Variants in STX8 observed in about 807,000 individuals in gnomAD.
STX8 encodes syntaxin 8, also known as syntaxin-8.
STX8 carries 23 observed loss-of-function variants against 37.5 expected under a neutral mutation model. The ratio of observed to expected loss-of-function variants is 0.61; its 90% CI spans 0.44 to 0.87. The LOEUF is 0.87. STX8 is among the 40% of genes least tolerant of loss of function. The pLI is 0.00. For synonymous variants in STX8, 115 were observed against 99.1 expected, an observed-to-expected ratio of 1.16 and a Z score of -0.95; for missense variants, 313 against 284.7, an observed-to-expected ratio of 1.10 and a Z score of -0.71.
intron 6 of STX8, among the ~76,000 whole-genome samples, chr17:9,392,327 T>A (rs993249258): frequency 1.3e-5 from 2 of 152,134 alleles, no homozygotes; most frequent in Non-Finnish European, 2.9e-5. Context: ...GACAAAGACT[T>A]TAAAGCAGCT....
chr17:9,505,017 A>G (rs1343103703), intron 5 of STX8, 21 bp downstream of exon 5: 2 of 1,490,050 alleles, frequency 1.3e-6, no homozygotes. Context: ...CTGAGCCCAC[A>G]CTCCTCAGGA....
chr17:9,369,002 C>A (rs893598834), intron 7 of STX8, among the ~76,000 whole-genome samples: 1 of 151,690 alleles, frequency 6.6e-6, no homozygotes, highest in Admixed American at 6.6e-5. Context: ...CTCACCGCAA[C>A]GTTGAACTCC....
chr17:9,526,950 C>T (rs1597724944), intron 4 of STX8, among the ~76,000 whole-genome samples: 1 of 151,228 alleles, frequency 6.6e-6, no homozygotes, highest in East Asian at 2.0e-4. Flanking sequence ...GAGGCCGAGG[C>T]GGGTGGATCA....
chr17:9,458,319 T>C (rs899296278), intron 6 of STX8, among the ~76,000 whole-genome samples: 3 of 152,110 alleles, frequency 2.0e-5, no homozygotes, highest in African/African-American at 7.2e-5. Context: ...CTGGCTAATT[T>C]TTTGTATTTT....
chr17:9,419,849 T>C (rs551018213), intron 6 of STX8, among the ~76,000 whole-genome samples: 1 of 152,320 alleles, frequency 6.6e-6, no homozygotes, highest in East Asian at 1.9e-4. Flanking sequence ...TCCCATAAGA[T>C]TCACGGAAAC....
chr17:9,326,592 AC>A (rs1431343923), intron 7 of STX8, among the ~76,000 whole-genome samples: 4 of 152,068 alleles, frequency 2.6e-5, no homozygotes, highest in African/African-American at 9.7e-5. Flanking sequence ...TGGAGTTACG[AC>A]CCTGATCATC....
rs189000654 is a variant in STX8, at chr17:9,504,893, G to A, written c.448+145C>T. The A allele has an allele frequency of 2.3e-3, 1,752 of 778,476 alleles. 6 individuals are homozygous for A. The highest frequency in any genetic ancestry group is 3.1e-3 in the Non-Finnish European group (1,628 of 524,344). 48.2% of individuals were successfully genotyped at this position (778,476 alleles called of 1,614,324 possible). On this transcript the variant is annotated intron_variant, in intron 5 of 7. Coordinates refer to ENST00000306357, the MANE Select transcript of STX8 (RefSeq NM_004853.3). ...GGAGGCTGAGGCAGGAGAATCGTTT[G>A]AACCCGGGAGGTGGAGGTTGCAGTG...
chr17:9,369,262 A>C (rs1911328454), intron 7 of STX8, among the ~76,000 whole-genome samples: 1 of 152,210 alleles, frequency 6.6e-6, no homozygotes, highest in Non-Finnish European at 1.5e-5. Context: ...TTGATACTGA[A>C]TTAAGGATGA....
chr17:9,443,324 G>C (rs2093442949), intron 6 of STX8, among the ~76,000 whole-genome samples: 1 of 152,160 alleles, frequency 6.6e-6, no homozygotes, highest in African/African-American at 2.4e-5. Flanking sequence ...AACAGAACTA[G>C]AGTCACTCAT....
At chr17:9,340,649 ATTTTTTT>A (rs66679333) in intron 7 of STX8, among the ~76,000 whole-genome samples, 14 of 62,112 alleles carry the variant, frequency 2.3e-4, no homozygotes, top group African/African-American at 6.9e-4. Context: ...GTTGCACTTG[ATTTTTTT>A]TTTTTTTTTT....
chr17:9,383,935 T>C (rs1317821377), intron 6 of STX8, among the ~76,000 whole-genome samples: 1 of 152,044 alleles, frequency 6.6e-6, no homozygotes, highest in Non-Finnish European at 1.5e-5. Context: ...ATAAAAACTA[T>C]AAAACATTGC....
intron 7 of STX8, among the ~76,000 whole-genome samples, chr17:9,342,336 G>C (rs1319530847): frequency 6.6e-6 from 1 of 152,156 alleles, no homozygotes; most frequent in Non-Finnish European, 1.5e-5. Context: ...CCAGAGCCAG[G>C]TTGGAGCTCT....
intron 6 of STX8, among the ~76,000 whole-genome samples, chr17:9,465,814 C>T (rs777957414): frequency 1.3e-5 from 2 of 152,146 alleles, no homozygotes; most frequent in Non-Finnish European, 1.5e-5. Flanking sequence ...GTTTAATCCT[C>T]ACAAACTGTA....
At chr17:9,452,465 A>T (rs751137323) in intron 6 of STX8, 17 of 152,188 alleles carry the variant, frequency 1.1e-4, no homozygotes, top group Non-Finnish European at 2.2e-4. Flanking sequence ...TGTGAGAAGG[A>T]ATTAGTCCTC....
intron 7 of STX8, among the ~76,000 whole-genome samples, chr17:9,271,089 T>G (rs1255380427): frequency 6.6e-6 from 1 of 152,206 alleles, no homozygotes; most frequent in African/African-American, 2.4e-5. Context: ...CAGAAATGTT[T>G]GTGTTTACAG....
intron 7 of STX8, among the ~76,000 whole-genome samples, chr17:9,256,053 G>A (rs986267215): frequency 6.6e-6 from 1 of 152,254 alleles, no homozygotes; most frequent in Non-Finnish European, 1.5e-5. Context: ...ACAGTCATGC[G>A]TGCCAGGTTT....
chr17:9,457,641 T>C (rs1410624301), intron 6 of STX8, among the ~76,000 whole-genome samples: 1 of 152,278 alleles, frequency 6.6e-6, no homozygotes, highest in Non-Finnish European at 1.5e-5. Context: ...CCATAATCTC[T>C]GTGCTCTTCC....
chr17:9,277,383 A>G (rs773786248), intron 7 of STX8, among the ~76,000 whole-genome samples: 1 of 150,286 alleles, frequency 6.7e-6, no homozygotes, highest in Non-Finnish European at 1.5e-5. Flanking sequence ...CAGGGTCTCA[A>G]TGAGTGAGGG....
intron 6 of STX8, among the ~76,000 whole-genome samples, chr17:9,451,227 G>A (rs1416865700): frequency 2.0e-5 from 3 of 152,064 alleles, no homozygotes; most frequent in African/African-American, 7.2e-5. Flanking sequence ...ACTTGGAGTG[G>A]TCAGAACTTG....
Sources: gnomAD v4.1 joint callset for allele counts (sites outside exome capture counted in the v4.1 genomes callset) on GRCh38, gnomAD v4.1.1 for gene constraint, MANE v1.5 for transcripts, NCBI Gene and HGNC (gene_info 2026-07-23, HGNC 2026-07-21) for gene names.